The following FCF1 variants were observed in gnomAD, a reference collection of about 807,000 sequenced individuals.
FCF1 encodes the protein rRNA-processing protein FCF1 homolog.
A neutral mutation model predicts 32.5 loss-of-function variants in FCF1; 17 were observed. That is an observed-to-expected ratio of 0.52 (90% CI 0.36 to 0.78). The LOEUF is 0.78. FCF1 is among the 30% of genes least tolerant of loss of function. FCF1 has a pLI of 0.00. For synonymous variants in FCF1, 84 were observed against 78.4 expected, an observed-to-expected ratio of 1.07 and a Z score of -0.38; for missense variants, 201 against 241.1, an observed-to-expected ratio of 0.83 and a Z score of 1.10.
At chr14:74,722,836 G>A (rs964133371) in intron 4 of FCF1, among the ~76,000 whole-genome samples, 1 of 151,646 alleles carries the variant, frequency 6.6e-6, no homozygotes, top group East Asian at 1.9e-4. Flanking sequence ...CTCGCTACTC[G>A]GGAGGCTGAG....
chr14:74,729,130 G>A (rs2090604897), intron 5 of FCF1, among the ~76,000 whole-genome samples: 2 of 152,198 alleles, frequency 1.3e-5, no homozygotes, highest in African/African-American at 4.8e-5. Flanking sequence ...ATGAGTTAGG[G>A]AGTATTCCCT....
At chr14:74,713,638 T>C in intron 2 of FCF1, 86 bp downstream of exon 2, 1 of 1,238,232 alleles carries the variant, frequency 8.1e-7, no homozygotes, top group Non-Finnish European at 1.1e-6. Context: ...GTTATTATTT[T>C]GTTTTTTGCT....
chr14:74,714,007 A>G (rs2090375025), intron 2 of FCF1, among the ~76,000 whole-genome samples: 1 of 152,212 alleles, frequency 6.6e-6, no homozygotes, highest in Non-Finnish European at 1.5e-5. Context: ...AGATATCTCC[A>G]TTTTATAAGT....
chr14:74,717,551 C>T (rs185432491), intron 4 of FCF1, among the ~76,000 whole-genome samples: 26 of 152,282 alleles, frequency 1.7e-4, no homozygotes, highest in African/African-American at 6.3e-4. Flanking sequence ...AAGCTATATA[C>T]ATAAACTTTT....
intron 2 of FCF1, 32 bp from the exon 3 acceptor site, chr14:74,714,840 C>T: frequency 6.5e-7 from 1 of 1,528,902 alleles, no homozygotes; most frequent in Non-Finnish European, 8.8e-7. Context: ...TTTTTCTTCT[C>T]CCTTGGATTT....
chr14:74,725,149 C>T (rs747403108), intron 5 of FCF1, among the ~76,000 whole-genome samples: 3 of 151,592 alleles, frequency 2.0e-5, no homozygotes, highest in East Asian at 1.9e-4. Flanking sequence ...TTCTTATGTA[C>T]GTAATAGCAA....
Position 74,735,864 on chromosome 14 carries a change from G to C in FCF1, c.*934G>C, listed in dbSNP as rs2090700904. The C allele has an allele frequency of 6.6e-6, 1 of 152,120 alleles. No individual in the cohort carries two copies. Among genetic ancestry groups the C allele is most frequent in the African/African-American group, 2.4e-5 (1 of 41,152 alleles). The allele number at this position is 152,120 out of a possible 1,614,324, so 9.4% of individuals were successfully genotyped here. A position where few individuals can be genotyped will look rare whatever the true frequency, so the allele number is the denominator to read the frequency against. On this transcript the variant is annotated 3_prime_UTR_variant, in exon 8 of 8. Coordinates refer to ENST00000341162, the MANE Select transcript of FCF1 (RefSeq NM_015962.5). ...TTACAGACATGAGCCACTGTGCCTG[G>C]CCTGCTCACTTTCTGATGCTGCTTT... is the stretch of plus-strand genomic sequence containing the variant.
In FCF1 at chr14:74,732,756, C is replaced by T. The variant is rs1222065208; in HGVS notation, c.391C>T (p.Arg131Ter). ...LRIAKDPRFE[R>*]LPCTHKGTYA... ...GATTGCCAAGGATCCAAGATTTGAA[C>T]GATTACCATGTACACACAAAGGAAC... The change falls in exon 6 of 8, where the codon CGA becomes TGA. Residue 131 changes from arginine (R) to a stop codon, truncating the protein, a stop_gained. Transcript: ENST00000341162. LOFTEE classifies it high-confidence loss of function. The T allele has an allele frequency of 6.2e-7, 1 of 1,612,376 alleles. No individual in the cohort carries two copies. The highest frequency in any genetic ancestry group is 8.5e-7 in the Non-Finnish European group (1 of 1,179,006).
At chr14:74,717,455 GTCT>G (rs2090436670) in intron 4 of FCF1, among the ~76,000 whole-genome samples, 1 of 152,208 alleles carries the variant, frequency 6.6e-6, no homozygotes, top group Non-Finnish European at 1.5e-5. Context: ...GAATAAAATA[GTCT>G]TCTCTACAGA....
intron 4 of FCF1, among the ~76,000 whole-genome samples, chr14:74,720,032 C>G (rs1284642602): frequency 1.3e-5 from 2 of 152,098 alleles, no homozygotes; most frequent in African/African-American, 4.8e-5. Flanking sequence ...ATTCCAGCTA[C>G]TCGGGAGGCT....
rs1231661063 is a variant in FCF1 at position 74,736,169 on chromosome 14, G to C, written c.*1239G>C. The C allele has an allele frequency of 6.6e-6, 1 of 152,232 alleles. No individual in the cohort carries two copies. The highest frequency in any genetic ancestry group is 1.5e-5 in the Non-Finnish European group (1 of 68,090). The allele number at this position is 152,232 out of a possible 1,614,324, so 9.4% of individuals were successfully genotyped here. A position where few individuals can be genotyped will look rare whatever the true frequency, so the allele number is the denominator to read the frequency against. On this transcript the variant is annotated 3_prime_UTR_variant, in exon 8 of 8. Transcript: ENST00000341162. ...CATTCCTGTAATCCCAGCACTTTGG[G>C]AGGCCAAGGTGGGTGGATCACCTGA...
chr14:74,720,151 C>A (rs2090481070), intron 4 of FCF1, among the ~76,000 whole-genome samples: 1 of 152,142 alleles, frequency 6.6e-6, no homozygotes, highest in African/African-American at 2.4e-5. Flanking sequence ...GAAAATGGAT[C>A]CTGTATTATT....
At chr14:74,734,791 G>A (rs2090684918) in intron 7 of FCF1, 91 bp from the exon 8 acceptor site, 2 of 957,588 alleles carry the variant, frequency 2.1e-6, no homozygotes, top group African/African-American at 1.6e-5. Flanking sequence ...TTCACAGTGG[G>A]GGTGAGAGTA....
At position 74,735,577 on chromosome 14, in the gene FCF1, T is replaced by C. The variant is rs2090696321; in HGVS notation, c.*647T>C. 1.3e-5 allele frequency: 2 copies of C among 152,250 alleles called. No individual in the cohort carries two copies. Among genetic ancestry groups the C allele is most frequent in the Admixed American group, 6.6e-5 (1 of 15,262 alleles). 9.4% of individuals were successfully genotyped at this position (152,250 alleles called of 1,614,324 possible). ...TAGTTCAATATGCTCACTCTTTTTTTTTTTTTTCTTGAGATGAAGTTTTGC... is the reference window on the plus strand; with the variant it reads ...TAGTTCAATATGCTCACTCTTTTTTCTTTTTTTCTTGAGATGAAGTTTTGC... On this transcript the variant is annotated 3_prime_UTR_variant, in exon 8 of 8. Coordinates refer to ENST00000341162, the MANE Select transcript of FCF1 (RefSeq NM_015962.5).
At chr14:74,730,888 A>G (rs1197903078) in intron 5 of FCF1, among the ~76,000 whole-genome samples, 1 of 152,090 alleles carries the variant, frequency 6.6e-6, no homozygotes, top group African/African-American at 2.4e-5. Context: ...AATCCCAGCT[A>G]CTCAGGAGGC....
rs1221094845 is a variant in FCF1 at position 74,736,915 on chromosome 14, A to T, written c.*1985A>T. 5 of 152,204 alleles carry T rather than the reference A, an allele frequency of 3.3e-5. No homozygotes were observed. Among genetic ancestry groups the T allele is most frequent in the Non-Finnish European group, 7.3e-5 (5 of 68,044 alleles). The allele number at this position is 152,204 out of a possible 1,614,324, so 9.4% of individuals were successfully genotyped here. ...GTGCTAGGGTAAAAGTTTCAGAGGC[A>T]TGTCATGGGCACATAAAGGTGGAAT... On this transcript the variant is annotated 3_prime_UTR_variant, in exon 8 of 8. Transcript: ENST00000341162.
rs2140025739 is a variant in FCF1 at position 74,721,195 on chromosome 14, C to T, written c.293-2077C>T. ...GAGTATCTGGGACTACAGGCATGTG[C>T]CACCACGCCCAGCTAATTTTTTTGT... On this transcript the variant is annotated intron_variant, in intron 4 of 7. Transcript: ENST00000341162. 2.0e-5 allele frequency among the ~76,000 whole-genome samples: 3 copies of T among 152,132 alleles called. No homozygotes were observed. The South Asian group carries it at 6.2e-4, about 32-fold the overall frequency.
At position 74,734,864 on chromosome 14, in the gene FCF1, A is replaced by AT. The variant is rs1427187652; in HGVS notation, c.549-12dup. 4.3e-6 allele frequency: 7 copies of AT among 1,611,630 alleles called. 1 individual carries two copies. In the Admixed American group the frequency reaches 8.3e-5, roughly 19 times the overall value. ...CTTCCCATCTTTCTTACCGGTGTTGATTTTTTGTCCTGATCAGATACAACA... is the reference window on the plus strand; with the variant it reads ...CTTCCCATCTTTCTTACCGGTGTTGATTTTTTTGTCCTGATCAGATACAACA... On this transcript the variant is annotated splice_polypyrimidine_tract_variant and intron_variant, in intron 7 of 7. Coordinates refer to ENST00000341162, the MANE Select transcript of FCF1 (RefSeq NM_015962.5).
chr14:74,730,306 C>T (rs973710894), intron 5 of FCF1, among the ~76,000 whole-genome samples: 3 of 150,980 alleles, frequency 2.0e-5, no homozygotes, highest in African/African-American at 4.9e-5. Flanking sequence ...TTGACCTCTC[C>T]GGCTCAAGTG....
Sources: allele counts gnomAD v4.1 joint callset (sites outside exome capture counted in the v4.1 genomes callset), GRCh38; gene constraint gnomAD v4.1.1; transcripts MANE v1.5; gene names NCBI Gene and HGNC (gene_info 2026-07-23, HGNC 2026-07-21).